Variants in ANKRD17 observed in about 807,000 individuals in gnomAD.
ANKRD17 encodes ankyrin repeat domain-containing protein 17.
Under a neutral mutation model 229.7 loss-of-function variants are expected in ANKRD17, and 19 were observed. The observed-to-expected ratio is 0.08, with a 90% confidence interval of 0.06 to 0.12. The LOEUF (loss-of-function observed/expected upper bound fraction) is 0.12. ANKRD17 is among the 10% of genes least tolerant of loss of function. The pLI, the probability that ANKRD17 is intolerant of heterozygous loss-of-function variation, is 1.00. For synonymous variants in ANKRD17, 1,112 were observed against 1,146.1 expected, an observed-to-expected ratio of 0.97 and a Z score of 0.60; for missense variants, 2,176 against 3,176.8, an observed-to-expected ratio of 0.68 and a Z score of 7.57.
Position 73,091,593 on chromosome 4 carries a change from G to A in ANKRD17, c.6035C>T (p.Thr2012Ile). ...GTTGTTGCTTGCCGTGGTTGTGACT[G>A]TTGTTGTGGTGGCATTGGATGTCTT... ...VVKTSNATTTTVTTTASNNNT... is the reference protein window; with the variant it reads ...VVKTSNATTTIVTTTASNNNT... Residue 2012 changes from threonine to isoleucine, a missense_variant, in exon 29 of 34, where the codon ACA becomes ATA. Around this residue, in one of 18 missense-constraint regions of ANKRD17, gnomAD observed 424 missense variants for 454.0 expected, o/e 0.93. Coordinates refer to ENST00000358602, the MANE Select transcript of ANKRD17 (RefSeq NM_032217.5). The A allele has an allele frequency of 6.2e-7, 1 of 1,614,182 alleles. No homozygotes were observed. The highest frequency in any genetic ancestry group is 8.5e-7 in the Non-Finnish European group (1 of 1,180,032).
intron 32 of ANKRD17, 104 bp downstream of exon 32, chr4:73,077,251 T>G (rs762139651): frequency 1.8e-4 from 232 of 1,316,498 alleles, no homozygotes; most frequent in Non-Finnish European, 2.2e-4. Context: ...TATTACCCAT[T>G]ATATAACTTA....
chr4:73,103,895 T>G (rs2148617438), intron 24 of ANKRD17: 1 of 152,056 alleles, frequency 6.6e-6, no homozygotes, highest in East Asian at 1.9e-4. Context: ...ACACTAACGT[T>G]AATAAGTTCT....
At chr4:73,234,399 T>C (rs1743327062) in intron 1 of ANKRD17, among the ~76,000 whole-genome samples, 7 of 152,238 alleles carry the variant, frequency 4.6e-5, no homozygotes. Context: ...TGAGGTTGGT[T>C]GTTCTTTTAT....
intron 31 of ANKRD17, 83 bp downstream of exon 31, chr4:73,078,559 A>T: frequency 6.8e-7 from 1 of 1,463,738 alleles, no homozygotes. Context: ...AAAAAAAGGA[A>T]ATGACTATTA....
intron 2 of ANKRD17, among the ~76,000 whole-genome samples, chr4:73,172,995 C>A (rs1033967273): frequency 6.6e-6 from 1 of 152,094 alleles, no homozygotes; most frequent in African/African-American, 2.4e-5. Flanking sequence ...ACTTAAAGGA[C>A]TACAACCAAA....
chr4:73,233,568 T>A (rs1381476756), intron 1 of ANKRD17, among the ~76,000 whole-genome samples: 1 of 152,186 alleles, frequency 6.6e-6, no homozygotes, highest in East Asian at 1.9e-4. Context: ...TCAGTTCTTT[T>A]TGAAGGCCCA....
At chr4:73,124,027 A>C (rs1727106202) in intron 18 of ANKRD17, among the ~76,000 whole-genome samples, 1 of 152,112 alleles carries the variant, frequency 6.6e-6, no homozygotes, top group Admixed American at 6.5e-5. Context: ...AAAAATCTGA[A>C]GATAGAAAAG....
chr4:73,146,688 T>C (rs1730323525), intron 10 of ANKRD17, 76 bp downstream of exon 10: 1 of 1,053,836 alleles, frequency 9.5e-7, no homozygotes, highest in Non-Finnish European at 1.3e-6. Flanking sequence ...AGAAATACCT[T>C]TTGTCTAGAC....
intron 29 of ANKRD17, among the ~76,000 whole-genome samples, chr4:73,089,360 T>C (rs1040207358): frequency 2.0e-5 from 3 of 151,562 alleles, no homozygotes; most frequent in Non-Finnish European, 4.4e-5. Context: ...AAAATTTTTT[T>C]TTAAACATTT....
At chr4:73,208,488 G>A (rs576391353) in intron 1 of ANKRD17, among the ~76,000 whole-genome samples, 307 of 152,172 alleles carry the variant, frequency 2.0e-3, no homozygotes, top group Admixed American at 3.6e-3. Context: ...TCCCCAAAAG[G>A]GTTCCTTATA....
chr4:73,172,763 A>C (rs1734206631), intron 2 of ANKRD17, among the ~76,000 whole-genome samples: 1 of 152,230 alleles, frequency 6.6e-6, no homozygotes, highest in African/African-American at 2.4e-5. Context: ...AATGGGTTAT[A>C]AGATAGTATT....
At chr4:73,228,796 G>C (rs1005983978) in intron 1 of ANKRD17, among the ~76,000 whole-genome samples, 1 of 152,066 alleles carries the variant, frequency 6.6e-6, no homozygotes, top group African/African-American at 2.4e-5. Context: ...CATACCCAAA[G>C]GATTATAAAT....
At chr4:73,084,606 G>A (rs532192293) in intron 30 of ANKRD17, among the ~76,000 whole-genome samples, 3 of 151,910 alleles carry the variant, frequency 2.0e-5, no homozygotes, top group South Asian at 2.1e-4. Context: ...ACACCACAAC[G>A]CCTGGCTAAT....
chr4:73,168,681 A>T (rs1257625574), intron 2 of ANKRD17, among the ~76,000 whole-genome samples: 1 of 152,204 alleles, frequency 6.6e-6, no homozygotes, highest in East Asian at 1.9e-4. Context: ...TGCTCCTGGG[A>T]GAAATATAGC....
chr4:73,096,974 G>GCT (rs1165994948), intron 27 of ANKRD17, 143 bp downstream of exon 27: 1 of 914,576 alleles, frequency 1.1e-6, no homozygotes, highest in Non-Finnish European at 1.6e-6. Flanking sequence ...TATGGCACAG[G>GCT]CTCTCTCTGT....
In ANKRD17 at chr4:73,091,275, T is replaced by A. The variant is rs1722771138; in HGVS notation, c.6353A>T (p.Glu2118Val). The A allele has an allele frequency of 6.2e-7, 1 of 1,614,070 alleles. No individual in the cohort carries two copies. The highest frequency in any genetic ancestry group is 8.5e-7 in the Non-Finnish European group (1 of 1,180,044). The part of the protein sequence containing the change: ...QQQPPGSVSQ[E>V]PRPPLQQSQV... ...AGACTGCTGAAGAGGTGGTCTTGGT[T>A]CCTGAGAAACAGATCCCGGAGGTTG... Residue 2118 changes from glutamate (E) to valine (V), a missense_variant, in exon 29 of 34, where the codon GAA becomes GTA. Physicochemically the swap from Glu to Val is moderately radical, Grantham distance 121. This residue lies in a region of ANKRD17 where 424 missense variants were observed against 454.0 expected (regional missense o/e 0.93). Transcript: ENST00000358602.
rs1303762560 is a variant in ANKRD17, at chr4:73,148,893, A to G, written c.1487T>C (p.Val496Ala). The G allele has an allele frequency of 1.2e-6, 2 of 1,613,890 alleles. No individual in the cohort carries two copies. The highest frequency in any genetic ancestry group is 2.2e-5 in the South Asian group (2 of 91,070). Residue 496 changes from valine to alanine, a missense_variant, in exon 8 of 34, where the codon GTC (valine) becomes GCC (alanine). Val to Ala is a moderately conservative substitution (Grantham distance 64). Transcript: ENST00000358602. ...CAATGGTGTATAACCTTCATCATTG[A>G]CCTCTTCCAGGCTAGCTCCTCTTTC... is the stretch of plus-strand genomic sequence containing the variant. ...LIERGASLEE[V>A]NDEGYTPLME...
intron 2 of ANKRD17, among the ~76,000 whole-genome samples, chr4:73,170,333 A>G (rs1324533246): frequency 6.6e-6 from 1 of 151,992 alleles, no homozygotes; most frequent in Non-Finnish European, 1.5e-5. Flanking sequence ...GCCAGAAGGG[A>G]ACCTGCTCCC....
intron 1 of ANKRD17, among the ~76,000 whole-genome samples, chr4:73,240,589 C>T (rs1298620539): frequency 1.3e-5 from 2 of 151,958 alleles, no homozygotes; most frequent in Non-Finnish European, 2.9e-5. Context: ...CATGCCACTG[C>T]CCTCCAGCCT....
Sources: gnomAD v4.1 joint callset for allele counts (sites outside exome capture counted in the v4.1 genomes callset) on GRCh38, gnomAD v4.1.1 for gene constraint, gnomAD v4.1.1 regional missense constraint, MANE v1.5 for transcripts, NCBI Gene and HGNC (gene_info 2026-07-23, HGNC 2026-07-21) for gene names.